Variants in CNTN5 observed in about 807,000 individuals in gnomAD.
CNTN5 encodes the protein contactin-5.
In CNTN5, 77 loss-of-function variants were observed where a neutral mutation model predicts 129.1. The ratio of observed to expected loss-of-function variants is 0.60; its 90% CI spans 0.50 to 0.72. The LOEUF is 0.72. CNTN5 is among the 30% of genes least tolerant of loss of function. The pLI, the probability that CNTN5 is intolerant of heterozygous loss-of-function variation, is 0.00. For missense variants in CNTN5, 1,478 were observed against 1,328.8 expected (o/e 1.11, Z -1.75); for synonymous variants, 509 against 465.6 (o/e 1.09, Z -1.20).
intron 23 of CNTN5, among the ~76,000 whole-genome samples, chr11:100,348,455 C>T (rs1381980752): frequency 6.6e-6 from 1 of 152,020 alleles, no homozygotes; most frequent in Admixed American, 6.6e-5. Context: ...GTCTTTACCT[C>T]TTAATCCTAA....
rs1268699709 is a variant in CNTN5 at position 99,324,705 on chromosome 11, A to G, written c.-209-641A>G. Among the ~76,000 whole-genome samples the G allele has an allele frequency of 2.0e-5, 3 of 152,124 alleles. No individual in the cohort carries two copies. In the East Asian group the frequency reaches 5.8e-4, roughly 29 times the overall value. ...CTATCCTTAATGGAGCTCCTAACAC[A>G]ACTCACGGTTACTGCAAGCTCCACC... is the stretch of plus-strand genomic sequence containing the variant. On this transcript the variant is annotated intron_variant, in intron 1 of 24. Coordinates refer to ENST00000524871, the MANE Select transcript of CNTN5 (RefSeq NM_014361.4).
rs1040388283 is a variant in CNTN5 at position 99,213,465 on chromosome 11, C to T, written c.-209-111881C>T. On this transcript the variant is annotated intron_variant, in intron 1 of 24. Transcript: ENST00000524871. ...ACACATATATGTATATACATATATA[C>T]GTGTGTATATATACACACATATATA... 6.5e-5 allele frequency among the ~76,000 whole-genome samples: 9 copies of T among 139,184 alleles called. No individual in the cohort carries two copies. The South Asian group carries it at 6.6e-4, about 10-fold the overall frequency. The allele number at this position is 139,184 out of a possible 152,430, so 91.3% of individuals were successfully genotyped here.
chr11:99,503,690 G>T (rs754775230), intron 2 of CNTN5, among the ~76,000 whole-genome samples: 1 of 152,006 alleles, frequency 6.6e-6, no homozygotes, highest in Non-Finnish European at 1.5e-5. Context: ...ACTGTTCCAG[G>T]CATATAACAG....
At chr11:99,279,306 T>TAAGA (rs1447979208) in intron 1 of CNTN5, among the ~76,000 whole-genome samples, 2 of 151,872 alleles carry the variant, frequency 1.3e-5, no homozygotes, top group Admixed American at 1.3e-4. Context: ...GCTGGTTGGC[T>TAAGA]AAGACACTTT....
At chr11:99,296,082 A>C (rs982075494) in intron 1 of CNTN5, among the ~76,000 whole-genome samples, 1 of 152,098 alleles carries the variant, frequency 6.6e-6, no homozygotes, top group Non-Finnish European at 1.5e-5. Flanking sequence ...TTTAATTTCT[A>C]TTGTTCATAG....
chr11:99,219,391 C>A (rs1024408303), intron 1 of CNTN5, among the ~76,000 whole-genome samples: 2 of 151,742 alleles, frequency 1.3e-5, no homozygotes, highest in Non-Finnish European at 2.9e-5. Flanking sequence ...ACTTCTCAAG[C>A]AGATAATTGT....
chr11:99,394,401 C>A (rs1165677364), intron 2 of CNTN5, among the ~76,000 whole-genome samples: 2 of 151,510 alleles, frequency 1.3e-5, no homozygotes, highest in Non-Finnish European at 3.0e-5. Flanking sequence ...TTTCACCCTC[C>A]AAACTGTAAA....
chr11:99,775,916 A>G (rs1355550888), intron 3 of CNTN5, among the ~76,000 whole-genome samples: 2 of 152,076 alleles, frequency 1.3e-5, no homozygotes, highest in East Asian at 3.9e-4. Context: ...AGACATTAGA[A>G]TATGTGTTGG....
intron 3 of CNTN5, among the ~76,000 whole-genome samples, chr11:99,795,155 C>T (rs1285266461): frequency 6.6e-6 from 1 of 152,066 alleles, no homozygotes; most frequent in Non-Finnish European, 1.5e-5. Flanking sequence ...TGTCTGACTA[C>T]ATTCTGTTAG....
intron 24 of CNTN5, among the ~76,000 whole-genome samples, chr11:100,351,276 A>T (rs1293423823): frequency 6.6e-6 from 1 of 151,614 alleles, no homozygotes; most frequent in Non-Finnish European, 1.5e-5. Flanking sequence ...TTAAAATTGA[A>T]ATGTGACCAT....
chr11:99,406,709 C>T (rs1383822808), intron 2 of CNTN5, among the ~76,000 whole-genome samples: 1 of 152,162 alleles, frequency 6.6e-6, no homozygotes, highest in Non-Finnish European at 1.5e-5. Context: ...AGCCAAAAAC[C>T]TTAGAAGTTT....
intron 1 of CNTN5, among the ~76,000 whole-genome samples, chr11:99,134,668 T>G (rs1463106774): frequency 1.3e-5 from 2 of 152,068 alleles, no homozygotes; most frequent in South Asian, 4.1e-4. Context: ...TGTAATAATT[T>G]GATGAGTTAT....
intron 6 of CNTN5, among the ~76,000 whole-genome samples, chr11:99,904,288 C>A (rs895786726): frequency 2.6e-5 from 4 of 151,602 alleles, no homozygotes; most frequent in Non-Finnish European, 5.9e-5. Flanking sequence ...TAGCACCCAA[C>A]CCCCCTCCCC....
At position 99,819,601 on chromosome 11, in the gene CNTN5, A is replaced by G. The variant is rs1946723528; in HGVS notation, c.113A>G (p.Lys38Arg). 1.9e-6 allele frequency: 3 copies of G among 1,612,844 alleles called. No homozygotes were observed. The highest frequency in any genetic ancestry group is 2.7e-5 in the African/African-American group (2 of 74,964). The stretch of plus-strand genomic sequence containing the variant: ...TCATATGCTGCTTTGTTAAGAATTA[A>G]GAAGAGTTCATCTTCATCTCTCTTT... ...STSYAALLRI[K>R]KSSSSSLFGS... The change falls in exon 4 of 25, where the codon AAG becomes AGG. Residue 38 changes from lysine (K) to arginine (R), a missense_variant. Physicochemically the swap from Lys to Arg is conservative, Grantham distance 26. Coordinates refer to ENST00000524871, the MANE Select transcript of CNTN5 (RefSeq NM_014361.4).
chr11:99,733,659 T>C (rs932081685), intron 3 of CNTN5, among the ~76,000 whole-genome samples: 4 of 152,198 alleles, frequency 2.6e-5, no homozygotes, highest in Admixed American at 2.0e-4. Flanking sequence ...TGTAGTTGTA[T>C]TGAACCTGTG....
intron 2 of CNTN5, among the ~76,000 whole-genome samples, chr11:99,440,660 C>T (rs1466516443): frequency 6.6e-6 from 1 of 151,468 alleles, no homozygotes; most frequent in African/African-American, 2.4e-5. Context: ...CATTCTTTTC[C>T]ATTCTTACAT....
At chr11:99,330,327 C>T (rs541038841) in intron 2 of CNTN5, among the ~76,000 whole-genome samples, 113 of 151,320 alleles carry the variant, frequency 7.5e-4, no homozygotes, top group Middle Eastern at 6.8e-3. Flanking sequence ...ATAGATTTGG[C>T]CTTTGGGCAT....
At chr11:99,560,570 C>A (rs779391756) in intron 3 of CNTN5, among the ~76,000 whole-genome samples, 2 of 152,182 alleles carry the variant, frequency 1.3e-5, no homozygotes, top group Non-Finnish European at 2.9e-5. Flanking sequence ...GGATAACAGG[C>A]GTGAGCCACC....
chr11:100,048,834 C>T (rs1220246119), intron 9 of CNTN5, among the ~76,000 whole-genome samples: 2 of 151,886 alleles, frequency 1.3e-5, no homozygotes, highest in Non-Finnish European at 2.9e-5. Context: ...TACAGATCTC[C>T]AACGCTCAAT....
Sources: allele counts gnomAD v4.1 joint callset (sites outside exome capture counted in the v4.1 genomes callset), GRCh38; gene constraint gnomAD v4.1.1; transcripts MANE v1.5; gene names NCBI Gene and HGNC (gene_info 2026-07-23, HGNC 2026-07-21).